The following NDFIP1 variants were observed in gnomAD, a reference collection of about 807,000 sequenced individuals.
NDFIP1 encodes the protein NEDD4 family-interacting protein 1.
In NDFIP1, 7 loss-of-function variants were observed where a neutral mutation model predicts 28.8. That is an observed-to-expected ratio of 0.24 (90% CI 0.14 to 0.46). NDFIP1 has a LOEUF of 0.46. NDFIP1 is among the 20% of genes least tolerant of loss of function. The probability of loss-of-function intolerance (pLI) is 0.99; values close to 1 mark genes in which losing one functional copy is unlikely to be tolerated. For missense variants in NDFIP1, 194 were observed against 269.1 expected (o/e 0.72, Z 1.95); for synonymous variants, 92 against 101.0 (o/e 0.91, Z 0.53).
intron 1 of NDFIP1, among the ~76,000 whole-genome samples, chr5:142,121,974 C>T (rs760804416): frequency 1.3e-5 from 2 of 152,170 alleles, no homozygotes; most frequent in Non-Finnish European, 2.9e-5. Context: ...GGTCTCAGTC[C>T]ACAGAGGGCT....
Position 142,135,788 on chromosome 5 carries a change from A to G in NDFIP1, c.341A>G (p.Asn114Ser). ...GATGCTGACCAGCTGAGGATAGGAA[A>G]TGATGGGATTTTCATGTTAACTTTT... ...FDDADQLRIG[N>S]DGIFMLTFFM... The change falls in exon 4 of 8, where the codon AAT (asparagine) becomes AGT (serine). Residue 114 changes from asparagine to serine, a missense_variant. By Grantham distance (46) the Asn-to-Ser change is conservative. Coordinates refer to ENST00000253814, the MANE Select transcript of NDFIP1 (RefSeq NM_030571.4). 1 of 1,613,872 alleles carries G rather than the reference A, an allele frequency of 6.2e-7. No individual in the cohort carries two copies. Among genetic ancestry groups the G allele is most frequent in the Non-Finnish European group, 8.5e-7 (1 of 1,179,868 alleles).
intron 1 of NDFIP1, among the ~76,000 whole-genome samples, chr5:142,130,159 G>A (rs571112910): frequency 6.6e-6 from 1 of 152,124 alleles, no homozygotes; most frequent in Admixed American, 6.5e-5. Flanking sequence ...TTAATTTTCA[G>A]ATTGGCTCCT....
At chr5:142,134,623 A>G (rs1275978003) in intron 3 of NDFIP1, among the ~76,000 whole-genome samples, 2 of 152,228 alleles carry the variant, frequency 1.3e-5, no homozygotes, top group South Asian at 2.1e-4. Flanking sequence ...TATTCCCTAA[A>G]ATATTTTTCA....
chr5:142,150,054 G>A (rs549113671), intron 7 of NDFIP1, among the ~76,000 whole-genome samples: 4 of 151,952 alleles, frequency 2.6e-5, no homozygotes, highest in East Asian at 3.9e-4. Flanking sequence ...GGTGGCGGGC[G>A]CCTGTAGTCC....
chr5:142,111,048 T>C (rs569781621), intron 1 of NDFIP1, among the ~76,000 whole-genome samples: 1 of 152,146 alleles, frequency 6.6e-6, no homozygotes, highest in African/African-American at 2.4e-5. Context: ...TTAGCAGATA[T>C]ATACACATGC....
In NDFIP1 at chr5:142,152,120, T is replaced by C. The variant is rs956849013; in HGVS notation, c.*392T>C. 7.2e-5 allele frequency: 11 copies of C among 152,808 alleles called. No individual in the cohort carries two copies. The highest frequency in any genetic ancestry group is 2.4e-4 in the African/African-American group (10 of 41,468). The allele number at this position is 152,808 out of a possible 1,614,324, so 9.5% of individuals were successfully genotyped here. ...ACTTGGAATTAAATATTGTAAGATA[T>C]GTATAATGCTGGCCATTTTAAAGGG... On this transcript the variant is annotated 3_prime_UTR_variant, in exon 8 of 8. Coordinates refer to ENST00000253814, the MANE Select transcript of NDFIP1 (RefSeq NM_030571.4).
At position 142,108,787 on chromosome 5, in the gene NDFIP1, C is replaced by A; in HGVS notation, c.-188C>A. ...GTCCCCGCCTCTTCCCCAGGGGCCG[C>A]GTCGGAGCCTCGGCGGCGGCGGCGG... On this transcript the variant is annotated 5_prime_UTR_variant, in exon 1 of 8. Transcript: ENST00000253814. The A allele has an allele frequency of 2.3e-6, 1 of 434,010 alleles. No homozygotes were observed. The highest frequency in any genetic ancestry group is 4.0e-6 in the Non-Finnish European group (1 of 253,090). 26.9% of individuals were successfully genotyped at this position (434,010 alleles called of 1,614,324 possible).
At chr5:142,127,913 A>G (rs1472572830) in intron 1 of NDFIP1, among the ~76,000 whole-genome samples, 5 of 152,150 alleles carry the variant, frequency 3.3e-5, no homozygotes, top group African/African-American at 1.2e-4. Flanking sequence ...CCAAGATGGT[A>G]CCACTGCACT....
chr5:142,141,198 C>T (rs192160227), intron 6 of NDFIP1, among the ~76,000 whole-genome samples: 946 of 55,698 alleles, frequency 0.017, 14 homozygotes, highest in African/African-American at 0.061. Flanking sequence ...TTTTTTTTTA[C>T]AGAGTCTTGC....
chr5:142,139,423 A>G lies in NDFIP1; in HGVS notation c.496-1140A>G, dbSNP rs555577301. ...TTTGACATCATCAAGGACAGCTGAC[A>G]TATCAGCATATTGGCACAGGTCCCC... On this transcript the variant is annotated intron_variant, in intron 5 of 7. Transcript: ENST00000253814. Among the ~76,000 whole-genome samples the G allele has an allele frequency of 1.6e-4, 24 of 152,290 alleles. No individual in the cohort carries two copies. The South Asian group carries it at 4.6e-3, about 29-fold the overall frequency.
At position 142,108,975 on chromosome 5, in the gene NDFIP1, A is replaced by ATGGCGT. The variant is rs1399478692; in HGVS notation, c.13_18dup (p.Leu5_Ala6dup). ...CTGCTTCCCTGCTGCCGGCTGCGCC[A>ATGGCGT]TGGCGTTGGCGTTGGCGGCGCTGGC... On this transcript the variant is annotated inframe_insertion, in exon 1 of 8. Coordinates refer to ENST00000253814, the MANE Select transcript of NDFIP1 (RefSeq NM_030571.4). 3.5e-6 allele frequency: 5 copies of ATGGCGT among 1,445,356 alleles called. No individual in the cohort carries two copies. Among genetic ancestry groups the ATGGCGT allele is most frequent in the Non-Finnish European group, 3.6e-6 (4 of 1,102,522 alleles). 89.5% of individuals were successfully genotyped at this position (1,445,356 alleles called of 1,614,324 possible). A position where few individuals can be genotyped will look rare whatever the true frequency, so the allele number is the denominator to read the frequency against.
Position 142,142,302 on chromosome 5 carries a change from A to G in NDFIP1, c.562+1673A>G, listed in dbSNP as rs185431275. Among the ~76,000 whole-genome samples the G allele has an allele frequency of 5.0e-3, 760 of 152,308 alleles. 33 individuals carry two copies. The highest frequency in any genetic ancestry group is 0.047 in the Admixed American group (723 of 15,300). On this transcript the variant is annotated intron_variant, in intron 6 of 7. Coordinates refer to ENST00000253814, the MANE Select transcript of NDFIP1 (RefSeq NM_030571.4). ...TTGGTCATTAGAATTCTAAGGAAAG[A>G]GAAATAGTAATTTTTTTTCCTCTAT...
intron 3 of NDFIP1, among the ~76,000 whole-genome samples, chr5:142,134,832 A>C (rs1596790464): frequency 6.6e-6 from 1 of 152,304 alleles, no homozygotes; most frequent in Middle Eastern, 3.4e-3. Context: ...TCTGCTGATA[A>C]GGTTAGAAGT....
rs1024696711 is a variant in NDFIP1, at chr5:142,151,649, C to G, written c.*3-82C>G. On this transcript the variant is annotated intron_variant, in intron 7 of 7. Transcript: ENST00000253814. The stretch of plus-strand genomic sequence containing the variant: ...TGCACTTGTGTCTCCAAACATCCTG[C>G]CTTCTTTTGTGACTACATCCTTCTC... The G allele has an allele frequency of 1.3e-5, 2 of 152,512 alleles. 1 individual carries two copies. The highest frequency in any genetic ancestry group is 4.1e-4 in the South Asian group (2 of 4,830). The allele number at this position is 152,512 out of a possible 1,614,324, so 9.4% of individuals were successfully genotyped here. A position where few individuals can be genotyped will look rare whatever the true frequency, so the allele number is the denominator to read the frequency against.
At chr5:142,143,226 T>C (rs895808838) in intron 6 of NDFIP1, 3 of 152,146 alleles carry the variant, frequency 2.0e-5, no homozygotes, top group African/African-American at 7.2e-5. Context: ...ATGTTTTTAC[T>C]TTTCTTGAAA....
In NDFIP1 at chr5:142,108,939, G is replaced by C; in HGVS notation, c.-36G>C. Reference sequence around the variant, plus strand: ...GCGGCCGCGCCCCTTCAGCTAGCTCGCTCGCTCGCTCTGCTTCCCTGCTGC... The same window carrying C: ...GCGGCCGCGCCCCTTCAGCTAGCTCCCTCGCTCGCTCTGCTTCCCTGCTGC... On this transcript the variant is annotated 5_prime_UTR_variant, in exon 1 of 8. Transcript: ENST00000253814. 7.0e-7 allele frequency: 1 copy of C among 1,418,886 alleles called. No homozygotes were observed. Among genetic ancestry groups the C allele is most frequent in the Non-Finnish European group, 9.2e-7 (1 of 1,087,564 alleles). 87.9% of individuals were successfully genotyped at this position (1,418,886 alleles called of 1,614,324 possible).
intron 1 of NDFIP1, among the ~76,000 whole-genome samples, chr5:142,114,490 T>C (rs1374853203): frequency 6.6e-6 from 1 of 152,210 alleles, no homozygotes; most frequent in African/African-American, 2.4e-5. Flanking sequence ...TTCAAACACA[T>C]ACAATAATAA....
rs181502478 is a variant in NDFIP1 at position 142,138,244 on chromosome 5, C to G, written c.495+386C>G. On this transcript the variant is annotated intron_variant, in intron 5 of 7. Coordinates refer to ENST00000253814, the MANE Select transcript of NDFIP1 (RefSeq NM_030571.4). ...ATTCTGTTACAGTTTTAATCTAGCT[C>G]TCTTCTTCCTTCTTTTCTTTTCTCC... 863 of 155,112 alleles carry G rather than the reference C, an allele frequency of 5.6e-3. 6 individuals are homozygous for G. The highest frequency in any genetic ancestry group is 0.017 in the Middle Eastern group (5 of 300). The allele number at this position is 155,112 out of a possible 1,614,324, so 9.6% of individuals were successfully genotyped here.
intron 1 of NDFIP1, among the ~76,000 whole-genome samples, chr5:142,111,577 T>C (rs76933395): frequency 0.018 from 2,810 of 152,352 alleles, 36 homozygotes; most frequent in Non-Finnish European, 0.026. Context: ...TGATACTCTT[T>C]GGTTGTCACA....
Sources: gnomAD v4.1 joint callset for allele counts (sites outside exome capture counted in the v4.1 genomes callset) on GRCh38, gnomAD v4.1.1 for gene constraint, MANE v1.5 for transcripts, NCBI Gene and HGNC (gene_info 2026-07-23, HGNC 2026-07-21) for gene names.